The following ASTN1 variants were observed in gnomAD, a reference collection of about 807,000 sequenced individuals.
The protein encoded by ASTN1 is astrotactin 1.
A neutral mutation model predicts 140.7 loss-of-function variants in ASTN1; 41 were observed. The ratio of observed to expected loss-of-function variants is 0.29; its 90% CI spans 0.23 to 0.38. The LOEUF is 0.38. Among genes scored for constraint, ASTN1 ranks in the 10% least tolerant of loss-of-function variants. The probability of loss-of-function intolerance (pLI) is 1.00; values close to 1 mark genes in which losing one functional copy is unlikely to be tolerated. For synonymous variants in ASTN1, 640 were observed against 652.2 expected (o/e 0.98, Z 0.29); for missense variants, 1,479 against 1,678.8 (o/e 0.88, Z 2.08).
chr1:177,089,671 C>T (rs1166385975), intron 1 of ASTN1, among the ~76,000 whole-genome samples: 1 of 152,102 alleles, frequency 6.6e-6, no homozygotes, highest in Non-Finnish European at 1.5e-5. Context: ...AAGGCCTCCT[C>T]CCGCACTGCC....
intron 8 of ASTN1, among the ~76,000 whole-genome samples, chr1:176,985,151 T>A (rs1166346681): frequency 2.6e-5 from 4 of 152,202 alleles, no homozygotes; most frequent in African/African-American, 9.6e-5. Context: ...CCGTGTGCAC[T>A]GAAGGCCCTC....
At chr1:176,962,641 G>A (rs1336745721) in intron 9 of ASTN1, among the ~76,000 whole-genome samples, 1 of 152,170 alleles carries the variant, frequency 6.6e-6, no homozygotes, top group East Asian at 1.9e-4. Flanking sequence ...TTGCGGATTG[G>A]TACAGTGAAT....
rs1188099886 is a variant in ASTN1, at chr1:176,862,664, G to T, written c.*1620C>A. 3.2e-6 allele frequency: 3 copies of T among 931,198 alleles called. No homozygotes were observed. The African/African-American group carries it at 5.4e-5, about 17-fold the overall frequency. The allele number at this position is 931,198 out of a possible 1,614,324, so 57.7% of individuals were successfully genotyped here. On this transcript the variant is annotated 3_prime_UTR_variant, in exon 23 of 23. Coordinates refer to ENST00000361833, the MANE Select transcript of ASTN1 (RefSeq NM_004319.3). Reference sequence around the variant, plus strand: ...AGTTACAGTGCACAAGGGATTTGAGGCAAGTTGTATAACCTCTCTTTGCCT... The same window carrying T: ...AGTTACAGTGCACAAGGGATTTGAGTCAAGTTGTATAACCTCTCTTTGCCT...
At chr1:177,117,094 C>A (rs1327918333) in intron 1 of ASTN1, among the ~76,000 whole-genome samples, 3 of 152,070 alleles carry the variant, frequency 2.0e-5, no homozygotes, top group African/African-American at 7.2e-5. Context: ...AGAAGCAAAG[C>A]CATTATCTCT....
chr1:177,029,212 G>GC (rs1407104158), intron 5 of ASTN1, among the ~76,000 whole-genome samples: 1 of 152,178 alleles, frequency 6.6e-6, no homozygotes, highest in Admixed American at 6.5e-5. Flanking sequence ...CAACTACACT[G>GC]CCCCCAATCC....
chr1:176,920,382 C>G (rs1670675734), intron 16 of ASTN1, among the ~76,000 whole-genome samples: 1 of 152,090 alleles, frequency 6.6e-6, no homozygotes, highest in Non-Finnish European at 1.5e-5. Flanking sequence ...GGGAGTGGTC[C>G]AGGCATCCCA....
chr1:177,070,393 T>C (rs1222730049), intron 1 of ASTN1, among the ~76,000 whole-genome samples: 44 of 152,232 alleles, frequency 2.9e-4, no homozygotes, highest in Admixed American at 2.8e-3. Flanking sequence ...TAAGGTCCTC[T>C]CTATGGCTCT....
At chr1:177,042,319 G>A (rs1408409055) in intron 2 of ASTN1, among the ~76,000 whole-genome samples, 6 of 152,130 alleles carry the variant, frequency 3.9e-5, no homozygotes, top group Non-Finnish European at 5.9e-5. Context: ...ATCCTGCCCC[G>A]TTCTCTTTTA....
At chr1:176,974,972 A>T (rs1183014248) in intron 8 of ASTN1, among the ~76,000 whole-genome samples, 4 of 151,984 alleles carry the variant, frequency 2.6e-5, no homozygotes, top group African/African-American at 9.7e-5. Context: ...CCATACCTTG[A>T]CTCCCAGCAC....
At chr1:176,873,625 T>C (rs1668440653) in intron 21 of ASTN1, among the ~76,000 whole-genome samples, 1 of 152,192 alleles carries the variant, frequency 6.6e-6, no homozygotes, top group Non-Finnish European at 1.5e-5. Flanking sequence ...AGACAAAGCA[T>C]ATGGTATTTT....
chr1:176,940,485 C>G (rs1394172009), intron 14 of ASTN1, among the ~76,000 whole-genome samples: 1 of 152,192 alleles, frequency 6.6e-6, no homozygotes, highest in African/African-American at 2.4e-5. Context: ...ATAGGATGCT[C>G]ACTTCTAGTT....
intron 5 of ASTN1, chr1:177,029,401 T>C: frequency 1.4e-6 from 1 of 730,278 alleles, no homozygotes; most frequent in Non-Finnish European, 2.6e-6. Flanking sequence ...TCAAACAATT[T>C]GGAAACTTGT....
intron 8 of ASTN1, among the ~76,000 whole-genome samples, chr1:176,987,015 C>T (rs1232606496): frequency 6.6e-6 from 1 of 152,096 alleles, no homozygotes; most frequent in Non-Finnish European, 1.5e-5. Flanking sequence ...TAGGCAATAT[C>T]TGGAGACACT....
chr1:177,088,167 C>T (rs1679570253), intron 1 of ASTN1, among the ~76,000 whole-genome samples: 1 of 152,140 alleles, frequency 6.6e-6, no homozygotes, highest in South Asian at 2.1e-4. Context: ...ATCTGAATGC[C>T]TCAGATGTGA....
chr1:177,023,837 C>T (rs1369583452), intron 6 of ASTN1, among the ~76,000 whole-genome samples: 1 of 152,172 alleles, frequency 6.6e-6, no homozygotes, highest in Non-Finnish European at 1.5e-5. Flanking sequence ...CCAGGGAGTT[C>T]CTAAGGAACA....
At chr1:177,068,323 A>T (rs1456293193) in intron 1 of ASTN1, among the ~76,000 whole-genome samples, 1 of 152,206 alleles carries the variant, frequency 6.6e-6, no homozygotes, top group Non-Finnish European at 1.5e-5. Flanking sequence ...AATTTCAAAA[A>T]GCTCTCATCC....
chr1:177,024,471 T>C (rs1675996309), intron 6 of ASTN1, 112 bp downstream of exon 6: 5 of 1,366,706 alleles, frequency 3.7e-6, no homozygotes, highest in African/African-American at 2.9e-5. Context: ...AGTTTGGTTT[T>C]CCCCCGGTAG....
chr1:176,983,778 C>T (rs541999872), intron 8 of ASTN1, among the ~76,000 whole-genome samples: 1 of 152,302 alleles, frequency 6.6e-6, no homozygotes, highest in East Asian at 1.9e-4. Flanking sequence ...ACTGTGCATA[C>T]CAGCCTCTTT....
chr1:177,076,235 T>A (rs190134), intron 1 of ASTN1, among the ~76,000 whole-genome samples: 2 of 132,856 alleles, frequency 1.5e-5, no homozygotes, highest in Admixed American at 8.6e-5. Flanking sequence ...GCCGAGATTG[T>A]GCCACTGCAC....
Sources: allele counts gnomAD v4.1 joint callset (sites outside exome capture counted in the v4.1 genomes callset), GRCh38; gene constraint gnomAD v4.1.1; transcripts MANE v1.5; gene names NCBI Gene and HGNC (gene_info 2026-07-23, HGNC 2026-07-21).